MMP26: variants seen among roughly 807,000 people sequenced by gnomAD.
The protein encoded by MMP26 is matrix metalloproteinase-26.
MMP26 carries 33 observed loss-of-function variants against 31.0 expected under a neutral mutation model. The observed-to-expected ratio is 1.06, with a 90% confidence interval of 0.81 to 1.42. The LOEUF is 1.42. MMP26 is among the 40% of genes most tolerant of loss of function. The pLI is 0.00. For synonymous variants in MMP26, 122 were observed against 114.9 expected (o/e 1.06, Z -0.40); for missense variants, 347 against 316.1 (o/e 1.10, Z -0.74).
intron 2 of MMP26, among the ~76,000 whole-genome samples, chr11:4,906,757 C>A (rs1850896217): frequency 6.6e-6 from 1 of 152,082 alleles, no homozygotes; most frequent in Non-Finnish European, 1.5e-5. Context: ...TGATTCAAAG[C>A]AGCTCCATTT....
chr11:4,729,534 A>G (rs937338036), intron 1 of MMP26, among the ~76,000 whole-genome samples: 1 of 152,290 alleles, frequency 6.6e-6, no homozygotes, highest in Middle Eastern at 3.4e-3. Flanking sequence ...GCCAAACCCA[A>G]CTAGAATACG....
chr11:4,828,253 C>T (rs1342651726), intron 2 of MMP26, among the ~76,000 whole-genome samples: 2 of 152,082 alleles, frequency 1.3e-5, no homozygotes, highest in South Asian at 2.1e-4. Flanking sequence ...CTAAAAACTG[C>T]TCTAGGTTTA....
chr11:4,808,025 C>G (rs1419945349), intron 2 of MMP26, among the ~76,000 whole-genome samples: 1 of 152,132 alleles, frequency 6.6e-6, no homozygotes, highest in Non-Finnish European at 1.5e-5. Flanking sequence ...AAGCGTGTCT[C>G]AAACTCTTGG....
chr11:4,756,978 C>T (rs11033729), intron 1 of MMP26, among the ~76,000 whole-genome samples: 13,229 of 152,080 alleles, frequency 0.087, 686 homozygotes, highest in Middle Eastern at 0.23. Flanking sequence ...AATGTAATAT[C>T]AACAAGTCTT....
At chr11:4,780,256 A>G (rs565217401) in intron 2 of MMP26, among the ~76,000 whole-genome samples, 1 of 152,166 alleles carries the variant, frequency 6.6e-6, no homozygotes, top group Non-Finnish European at 1.5e-5. Context: ...TTTAACATAC[A>G]TGACCAAAAA....
chr11:4,781,725 A>G (rs952273097), intron 2 of MMP26, among the ~76,000 whole-genome samples: 25 of 152,080 alleles, frequency 1.6e-4, no homozygotes, highest in African/African-American at 6.0e-4. Flanking sequence ...CCCCACCCAA[A>G]TCTCATCTTG....
At chr11:4,874,801 G>T (rs1183534867) in intron 2 of MMP26, among the ~76,000 whole-genome samples, 1 of 151,974 alleles carries the variant, frequency 6.6e-6, no homozygotes, top group Admixed American at 6.6e-5. Flanking sequence ...TTGATTGTGT[G>T]GCACCAAGAT....
chr11:4,990,649 A>G lies in MMP26; in HGVS notation c.372A>G (p.Ile124Met). 1 of 1,614,130 alleles carries G rather than the reference A, an allele frequency of 6.2e-7. No individual in the cohort carries two copies. The highest frequency in any genetic ancestry group is 1.1e-5 in the South Asian group (1 of 91,086). The change falls in exon 5 of 8, where the codon ATA becomes ATG. Residue 124 changes from isoleucine (I) to methionine (M), a missense_variant. Coordinates refer to ENST00000380390, the MANE Select transcript of MMP26 (RefSeq NM_021801.5). Reference sequence around the variant, plus strand: ...AGCCATCCGCAGTGAAAGACAGTATATATAATGCAGTTTCCATCTGGAGCA... The same window carrying G: ...AGCCATCCGCAGTGAAAGACAGTATGTATAATGCAGTTTCCATCTGGAGCA... ...DMKPSAVKDS[I>M]YNAVSIWSNV...
At chr11:4,957,484 CTTG>C (rs1390997477) in intron 2 of MMP26, among the ~76,000 whole-genome samples, 1 of 152,094 alleles carries the variant, frequency 6.6e-6, no homozygotes, top group Admixed American at 6.5e-5. Flanking sequence ...TAGCTTCCAA[CTTG>C]TTGTAAAACT....
chr11:4,882,411 A>G, intron 2 of MMP26: 1 of 1,613,782 alleles, frequency 6.2e-7, no homozygotes, highest in East Asian at 2.2e-5. Context: ...GTGTCTTTTC[A>G]TGGGGGTCAC....
intron 2 of MMP26, among the ~76,000 whole-genome samples, chr11:4,861,993 AT>A: frequency 6.6e-6 from 1 of 152,146 alleles, no homozygotes; most frequent in South Asian, 2.1e-4. Flanking sequence ...AGTCTCTTTA[AT>A]CCAGCCAAAT....
chr11:4,729,003 A>G (rs1048455044), intron 1 of MMP26, among the ~76,000 whole-genome samples: 2 of 151,776 alleles, frequency 1.3e-5, no homozygotes, highest in Non-Finnish European at 2.9e-5. Context: ...GTAGTATTTT[A>G]TGTTAGAAAA....
chr11:4,854,373 G>A (rs1047069472), intron 2 of MMP26, among the ~76,000 whole-genome samples: 12 of 152,178 alleles, frequency 7.9e-5, no homozygotes, highest in Non-Finnish European at 1.0e-4. Context: ...CTAATACTGC[G>A]CTTTTCCAAC....
At chr11:4,883,196 C>G (rs1383756699) in intron 2 of MMP26, among the ~76,000 whole-genome samples, 1 of 151,254 alleles carries the variant, frequency 6.6e-6, no homozygotes, top group Non-Finnish European at 1.5e-5. Context: ...ATTTTTAGAC[C>G]AGAAGTAAAT....
intron 2 of MMP26, among the ~76,000 whole-genome samples, chr11:4,970,678 G>A (rs1254878348): frequency 2.0e-5 from 3 of 152,304 alleles, no homozygotes; most frequent in South Asian, 4.1e-4. Context: ...TATTAAGTAA[G>A]GTTGTTTTTA....
chr11:4,767,685 C>T (rs908845498), intron 2 of MMP26, among the ~76,000 whole-genome samples: 3 of 143,700 alleles, frequency 2.1e-5, no homozygotes, highest in Non-Finnish European at 4.5e-5. Flanking sequence ...ACTAATATGA[C>T]ATCATATAAT....
chr11:4,760,608 G>T (rs1480729826), intron 1 of MMP26, among the ~76,000 whole-genome samples: 2 of 152,190 alleles, frequency 1.3e-5, no homozygotes, highest in South Asian at 2.1e-4. Context: ...TTAATAGGCT[G>T]TGACTAATAT....
At chr11:4,855,414 A>T (rs1175527106) in intron 2 of MMP26, among the ~76,000 whole-genome samples, 1 of 152,196 alleles carries the variant, frequency 6.6e-6, no homozygotes, top group African/African-American at 2.4e-5. Context: ...CACGAGAACT[A>T]CGTGATGCAT....
intron 2 of MMP26, among the ~76,000 whole-genome samples, chr11:4,771,163 T>C (rs376755542): frequency 6.6e-6 from 1 of 152,180 alleles, no homozygotes; most frequent in African/African-American, 2.4e-5. Flanking sequence ...AATTGATATG[T>C]TTATAAACGG....
Sources: allele counts gnomAD v4.1 joint callset (sites outside exome capture counted in the v4.1 genomes callset), GRCh38; gene constraint gnomAD v4.1.1; transcripts MANE v1.5; gene names NCBI Gene and HGNC (gene_info 2026-07-23, HGNC 2026-07-21).